NTM: variants seen among roughly 807,000 people sequenced by gnomAD.
NTM encodes neurotrimin.
NTM carries 13 observed loss-of-function variants against 42.1 expected under a neutral mutation model. The ratio of observed to expected loss-of-function variants is 0.31; its 90% CI spans 0.20 to 0.49. The LOEUF is 0.49. Among genes scored for constraint, NTM ranks in the 20% least tolerant of loss-of-function variants. NTM has a pLI of 0.99. For missense variants in NTM, 373 were observed against 452.8 expected (o/e 0.82, Z 1.60); for synonymous variants, 187 against 179.2 (o/e 1.04, Z -0.35).
At chr11:131,476,885 A>G (rs1369578813) in intron 1 of NTM, among the ~76,000 whole-genome samples, 1 of 151,954 alleles carries the variant, frequency 6.6e-6, no homozygotes, top group Non-Finnish European at 1.5e-5. Flanking sequence ...TCCAGCCTTC[A>G]CCACCATACC....
chr11:132,121,160 G>C (rs1179533657), intron 2 of NTM, among the ~76,000 whole-genome samples: 2 of 152,074 alleles, frequency 1.3e-5, no homozygotes, highest in Non-Finnish European at 2.9e-5. Flanking sequence ...AGGAGCCTGA[G>C]GATATGCAAT....
intron 1 of NTM, among the ~76,000 whole-genome samples, chr11:131,623,137 G>A (rs1190387101): frequency 6.6e-6 from 1 of 152,176 alleles, no homozygotes; most frequent in African/African-American, 2.4e-5. Context: ...CCATGCAGTG[G>A]AGAGACTACC....
At chr11:131,560,070 G>A (rs961058324) in intron 1 of NTM, among the ~76,000 whole-genome samples, 25 of 152,210 alleles carry the variant, frequency 1.6e-4, no homozygotes, top group Admixed American at 2.6e-4. Flanking sequence ...AAAATGATTT[G>A]TTCACAAAGA....
chr11:131,936,797 T>A (rs1235258932), intron 2 of NTM, among the ~76,000 whole-genome samples: 2 of 152,110 alleles, frequency 1.3e-5, no homozygotes, highest in Non-Finnish European at 2.9e-5. Flanking sequence ...GAACTTACTC[T>A]GTATTAACAG....
intron 3 of NTM, among the ~76,000 whole-genome samples, chr11:132,182,969 G>A (rs539052001): frequency 2.0e-5 from 3 of 152,210 alleles, no homozygotes; most frequent in Admixed American, 2.0e-4. Flanking sequence ...TTTTCTGTAA[G>A]GCCCAAACAC....
intron 4 of NTM, among the ~76,000 whole-genome samples, chr11:132,268,670 CTG>C (rs780327988): frequency 5.6e-4 from 82 of 146,422 alleles, no homozygotes; most frequent in East Asian, 3.6e-3. Context: ...CTCTCTCTCT[CTG>C]TGTGTGTGTG....
At chr11:131,920,243 T>C (rs575277080) in intron 2 of NTM, among the ~76,000 whole-genome samples, 141 of 152,280 alleles carry the variant, frequency 9.3e-4, no homozygotes, top group African/African-American at 3.2e-3. Context: ...TGGGATAACA[T>C]GTGTTGGGGA....
At chr11:132,257,041 C>T (rs987377203) in intron 4 of NTM, among the ~76,000 whole-genome samples, 6 of 152,232 alleles carry the variant, frequency 3.9e-5, no homozygotes, top group Non-Finnish European at 5.9e-5. Flanking sequence ...CAAAGCAACT[C>T]GCTGGCAAAG....
chr11:131,810,747 A>G (rs1273730039), intron 1 of NTM, among the ~76,000 whole-genome samples: 2 of 152,202 alleles, frequency 1.3e-5, no homozygotes, highest in Non-Finnish European at 2.9e-5. Context: ...CTCAGACTCA[A>G]CAGAAGGAAG....
chr11:131,534,630 T>C (rs2051852401), intron 1 of NTM: 1 of 152,234 alleles, frequency 6.6e-6, no homozygotes. Context: ...TTTGCCCAGA[T>C]AACAAACCTT....
chr11:131,495,424 C>A (rs1385111335), intron 1 of NTM, among the ~76,000 whole-genome samples: 2 of 152,226 alleles, frequency 1.3e-5, no homozygotes, highest in Non-Finnish European at 2.9e-5. Context: ...GAGCTGTGGC[C>A]CAGGGGCCAG....
At chr11:131,520,966 TGGAAGG>T (rs1222860089) in intron 1 of NTM, among the ~76,000 whole-genome samples, 1 of 152,050 alleles carries the variant, frequency 6.6e-6, no homozygotes, top group Non-Finnish European at 1.5e-5. Context: ...CCGATCATGA[TGGAAGG>T]GGAAGGGAAA....
chr11:132,131,466 T>C (rs1591712475), intron 2 of NTM, among the ~76,000 whole-genome samples: 1 of 152,232 alleles, frequency 6.6e-6, no homozygotes, highest in African/African-American at 2.4e-5. Context: ...AATTGCCATA[T>C]GGGCTGGCAA....
chr11:131,895,300 G>A (rs1002070003), intron 1 of NTM, among the ~76,000 whole-genome samples: 1 of 152,146 alleles, frequency 6.6e-6, no homozygotes, highest in Admixed American at 6.5e-5. Flanking sequence ...TGGGCTGGAA[G>A]TAACCATACA....
intron 1 of NTM, among the ~76,000 whole-genome samples, chr11:131,888,153 T>C (rs2050691150): frequency 6.6e-6 from 1 of 152,050 alleles, no homozygotes; most frequent in Non-Finnish European, 1.5e-5. Flanking sequence ...ATACAAAACT[T>C]AGCCAAGCAT....
intron 2 of NTM, among the ~76,000 whole-genome samples, chr11:132,086,133 G>T (rs911167989): frequency 9.2e-5 from 14 of 151,922 alleles, no homozygotes; most frequent in African/African-American, 3.4e-4. Context: ...GACCATCCTG[G>T]CTAATATGGT....
intron 4 of NTM, among the ~76,000 whole-genome samples, chr11:132,268,666 C>CTGTGTGTGTG (rs755450370): frequency 1.2e-4 from 11 of 88,044 alleles, no homozygotes; most frequent in South Asian, 3.2e-4. Flanking sequence ...TCCTCTCTCT[C>CTGTGTGTGTG]TCTCTGTGTG....
intron 7 of NTM, among the ~76,000 whole-genome samples, chr11:132,323,590 C>G: frequency 6.6e-6 from 1 of 152,018 alleles, no homozygotes; most frequent in African/African-American, 2.4e-5. Context: ...CGAATTCTAC[C>G]AGAGGTACAA....
chr11:131,789,819 G>C (rs554864122), intron 1 of NTM, among the ~76,000 whole-genome samples: 1 of 150,904 alleles, frequency 6.6e-6, no homozygotes, highest in Admixed American at 6.6e-5. Flanking sequence ...AGCCGGGTGT[G>C]GTGGCGGGAG....
Sources: allele counts gnomAD v4.1 joint callset (sites outside exome capture counted in the v4.1 genomes callset), GRCh38; gene constraint gnomAD v4.1.1; transcripts MANE v1.5; gene names NCBI Gene and HGNC (gene_info 2026-07-23, HGNC 2026-07-21).